FGFR2: variants seen among roughly 807,000 people sequenced by gnomAD.
FGFR2 encodes BEK fibroblast growth factor receptor.
In FGFR2, 19 loss-of-function variants were observed where a neutral mutation model predicts 95.9. That is an observed-to-expected ratio of 0.20 (90% confidence interval 0.14 to 0.29). The LOEUF is 0.29. Among genes scored for constraint, FGFR2 ranks in the 10% least tolerant of loss-of-function variants. The pLI is 1.00. For synonymous variants in FGFR2, 392 were observed against 393.3 expected, an observed-to-expected ratio of 1.00 and a Z score of 0.04; for missense variants, 707 against 1,056.9, an observed-to-expected ratio of 0.67 and a Z score of 4.59.
chr10:121,594,416 C>T (rs1863142753), intron 1 of FGFR2, among the ~76,000 whole-genome samples: 1 of 152,232 alleles, frequency 6.6e-6, no homozygotes, highest in Non-Finnish European at 1.5e-5. Flanking sequence ...GAAAGCTAAA[C>T]TGTTGGAGGA....
chr10:121,550,107 CTCTT>C (rs1244495361), intron 5 of FGFR2, among the ~76,000 whole-genome samples: 1 of 152,212 alleles, frequency 6.6e-6, no homozygotes, highest in Non-Finnish European at 1.5e-5. Context: ...TTCCATCTCT[CTCTT>C]TCTGAGACAT....
At chr10:121,543,106 T>C (rs1854005645) in intron 5 of FGFR2, among the ~76,000 whole-genome samples, 1 of 152,178 alleles carries the variant, frequency 6.6e-6, no homozygotes, top group Non-Finnish European at 1.5e-5. Flanking sequence ...CCCGCCAGTA[T>C]CAGCACCCAA....
intron 10 of FGFR2, among the ~76,000 whole-genome samples, chr10:121,502,678 C>T (rs902580401): frequency 2.0e-5 from 3 of 152,176 alleles, no homozygotes; most frequent in African/African-American, 7.2e-5. Flanking sequence ...TGAGGAGCTA[C>T]TGAAAATGTC....
intron 6 of FGFR2, chr10:121,537,999 T>C (rs991008379): frequency 8.9e-6 from 2 of 223,558 alleles, no homozygotes; most frequent in Non-Finnish European, 1.8e-5. Flanking sequence ...GGCCTACTTA[T>C]CTGTGCACTC....
At position 121,503,900 on chromosome 10, in the gene FGFR2, C is replaced by A. The variant is rs374423103; in HGVS notation, c.1329G>T (p.Pro443=). Residue 443 remains proline, a synonymous_variant, in exon 10 of 18, where the codon CCG becomes CCT. Transcript: ENST00000358487. ...AGAGGCGTGTTGTTATCCTCACCAG[C>A]GGGGTGTTGGAGTTCATGGAGGAGC... ...ESSSSMNSNT[P]LVRITTRLSS... is the part of the protein sequence containing the mutation. The A allele has an allele frequency of 2.5e-6, 4 of 1,614,004 alleles. No individual in the cohort carries two copies. Among genetic ancestry groups the A allele is most frequent in the Admixed American group, 3.3e-5 (2 of 59,998 alleles).
chr10:121,516,791 C>A (rs146220987), intron 8 of FGFR2, among the ~76,000 whole-genome samples: 3 of 152,284 alleles, frequency 2.0e-5, no homozygotes, highest in African/African-American at 7.2e-5. Context: ...TCCATCCTAT[C>A]GCAACATGCA....
rs768676003 is a variant in FGFR2 at position 121,517,286 on chromosome 10, G to GA, written c.1084+32dup. The GA allele has an allele frequency of 3.0e-5, 49 of 1,613,176 alleles. No individual in the cohort carries two copies. The highest frequency in any genetic ancestry group is 6.7e-5 in the East Asian group (3 of 44,868). On this transcript the variant is annotated intron_variant, in intron 8 of 17. Transcript: ENST00000358487. The surrounding 1 kb of genome is among the most constrained non-coding windows in gnomAD (Gnocchi z 4.7). ...TTTATAGCAGTCAACCAAGAAAAGG[G>GA]AAAAAAACCCAGAGAGAAAGAACAG... is the stretch of plus-strand genomic sequence containing the variant.
chr10:121,594,627 G>A lies in FGFR2; in HGVS notation c.-150-660C>T, dbSNP rs1219647. 8.9e-3 allele frequency among the ~76,000 whole-genome samples: 1,356 copies of A among 152,280 alleles called. 23 individuals are homozygous for A. Among genetic ancestry groups the A allele is most frequent in the East Asian group, 0.064 (330 of 5,160 alleles). ...AGTCTTCCGCCAAGCAGCCACTTAC[G>A]AAGAGTGAACACAACTGCAGCGCAT... On this transcript the variant is annotated intron_variant, in intron 1 of 17. Transcript: ENST00000358487.
intron 4 of FGFR2, 102 bp downstream of exon 4, chr10:121,564,400 G>T: frequency 9.0e-7 from 1 of 1,107,016 alleles, no homozygotes; most frequent in South Asian, 1.2e-5. Context: ...AGGGCCGCGG[G>T]ACACAGCATG....
At chr10:121,506,466 CCCT>C (rs1848300761) in intron 9 of FGFR2, among the ~76,000 whole-genome samples, 1 of 152,108 alleles carries the variant, frequency 6.6e-6, no homozygotes, top group South Asian at 2.1e-4. Flanking sequence ...GCAGCGTAGC[CCCT>C]CATCACTGGA....
Position 121,579,331 on chromosome 10 carries a change from C to A in FGFR2, c.110-13627G>T, listed in dbSNP as rs538559931. Among the ~76,000 whole-genome samples the A allele has an allele frequency of 1.6e-4, 24 of 152,326 alleles. 2 individuals carry two copies. The South Asian group carries it at 3.5e-3, about 22-fold the overall frequency. On this transcript the variant is annotated intron_variant, in intron 2 of 17. Coordinates refer to ENST00000358487, the MANE Select transcript of FGFR2 (RefSeq NM_000141.5). ...ACTCAGCCCTGGCCAGGAGGGCAGT[C>A]CTGGGTTCCTGTTTACGGGGCGTAA...
chr10:121,550,170 T>TA (rs1191411056), intron 5 of FGFR2, among the ~76,000 whole-genome samples: 2 of 152,222 alleles, frequency 1.3e-5, no homozygotes, highest in African/African-American at 4.8e-5. Context: ...CCTTTCTCCT[T>TA]ATTCTTCCAA....
At chr10:121,514,404 A>G (rs1849419984) in intron 9 of FGFR2, among the ~76,000 whole-genome samples, 2 of 152,172 alleles carry the variant, frequency 1.3e-5, no homozygotes, top group Non-Finnish European at 2.9e-5. Context: ...AATTAAACCA[A>G]TCAGGAGGCA....
chr10:121,533,062 G>A (rs374406021), intron 6 of FGFR2, among the ~76,000 whole-genome samples: 46 of 152,296 alleles, frequency 3.0e-4, no homozygotes, highest in East Asian at 1.7e-3. Flanking sequence ...GAAGGGATGC[G>A]GACAGGCAGG....
At position 121,517,344 on chromosome 10, in the gene FGFR2, G is replaced by A. The variant is rs1288822368; in HGVS notation, c.1059C>T (p.His353=). The change falls in exon 8 of 18, where the codon CAC becomes CAT. Residue 353 remains histidine (H), a synonymous_variant. Coordinates refer to ENST00000358487, the MANE Select transcript of FGFR2 (RefSeq NM_000141.5). This position sits in a 1 kb window ranked among gnomAD's most constrained non-coding sequence, Gnocchi z 4.7. The part of the protein sequence containing the change: ...LAGNSIGISF[H]SAWLTVLPAP... ...CTGGCAGAACTGTCAACCATGCAGAGTGAAAGGATATCCCAATAGAATTAC... is the reference window on the plus strand; with the variant it reads ...CTGGCAGAACTGTCAACCATGCAGAATGAAAGGATATCCCAATAGAATTAC... The A allele has an allele frequency of 1.2e-6, 2 of 1,614,200 alleles. No individual in the cohort carries two copies. Among genetic ancestry groups the A allele is most frequent in the Non-Finnish European group, 1.7e-6 (2 of 1,180,036 alleles).
intron 2 of FGFR2, among the ~76,000 whole-genome samples, chr10:121,570,942 G>T (rs1352480994): frequency 3.3e-5 from 5 of 152,124 alleles, no homozygotes; most frequent in African/African-American, 1.2e-4. Context: ...TCTCCCAGAA[G>T]TTTCAAATAC....
intron 6 of FGFR2, among the ~76,000 whole-genome samples, chr10:121,523,500 C>A (rs1287359055): frequency 6.6e-6 from 1 of 152,194 alleles, no homozygotes; most frequent in African/African-American, 2.4e-5. Flanking sequence ...AACAGACACA[C>A]GCTCCTCTCC....
chr10:121,580,797 C>T lies in FGFR2; in HGVS notation c.109+12912G>A, dbSNP rs2981578. Among the ~76,000 whole-genome samples the T allele has an allele frequency of 0.41, 61,949 of 152,120 alleles. 14,765 individuals are homozygous for T. Among genetic ancestry groups the T allele is most frequent in the Non-Finnish European group, 0.53 (35,878 of 67,962 alleles). On this transcript the variant is annotated intron_variant, in intron 2 of 17. Transcript: ENST00000358487. ...TTAACCTTTCTTCCCTGCTCCAAAC[C>T]GCATATTTGCATAGAGGTAAAAGCT...
rs752018762 is a variant in FGFR2, at chr10:121,517,731, G to T, written c.940-268C>A. Among the ~76,000 whole-genome samples the T allele has an allele frequency of 3.3e-5, 5 of 152,036 alleles. No individual in the cohort carries two copies. Among genetic ancestry groups the T allele is most frequent in the African/African-American group, 1.2e-4 (5 of 41,396 alleles). On this transcript the variant is annotated intron_variant, in intron 7 of 17. Transcript: ENST00000358487. The surrounding 1 kb of genome is among the most constrained non-coding windows in gnomAD (Gnocchi z 4.7). Reference sequence around the variant, plus strand: ...GGAAAAAATCAACCCACAGAGGTCCGTTCTCTTGGCCTGTGCTTTGGTTTG... The same window carrying T: ...GGAAAAAATCAACCCACAGAGGTCCTTTCTCTTGGCCTGTGCTTTGGTTTG...
Sources: gnomAD v4.1 joint callset for allele counts (sites outside exome capture counted in the v4.1 genomes callset) on GRCh38, gnomAD v4.1.1 for gene constraint, Gnocchi (gnomAD v3.1) non-coding constraint, MANE v1.5 for transcripts, NCBI Gene and HGNC (gene_info 2026-07-23, HGNC 2026-07-21) for gene names.